CREB5: variants seen among roughly 807,000 people sequenced by gnomAD.
The protein encoded by CREB5 is cAMP responsive element binding protein 5.
CREB5 carries 19 observed loss-of-function variants against 57.1 expected under a neutral mutation model. The ratio of observed to expected loss-of-function variants is 0.33; its 90% confidence interval spans 0.23 to 0.49. The LOEUF is 0.49. Ranked by LOEUF, CREB5 falls within the 20% of genes least tolerant of loss-of-function variation. The pLI, the probability that CREB5 is intolerant of heterozygous loss-of-function variation, is 0.99. For missense variants in CREB5, 579 were observed against 671.6 expected (o/e 0.86, Z 1.52); for synonymous variants, 238 against 238.3 (o/e 1.00, Z 0.01).
chr7:28,477,291 C>G (rs546124595), intron 1 of CREB5, among the ~76,000 whole-genome samples: 12 of 152,326 alleles, frequency 7.9e-5, no homozygotes, highest in Admixed American at 3.3e-4. Flanking sequence ...TTTCTTCAGC[C>G]TTTCAATAGG....
intron 5 of CREB5, among the ~76,000 whole-genome samples, chr7:28,627,045 T>A (rs1208482718): frequency 6.6e-6 from 1 of 152,204 alleles, no homozygotes; most frequent in South Asian, 2.1e-4. Context: ...ATTTCTAATT[T>A]CCTAAAATTT....
intron 5 of CREB5, among the ~76,000 whole-genome samples, chr7:28,587,293 G>A (rs991717489): frequency 6.6e-6 from 1 of 152,150 alleles, no homozygotes; most frequent in Non-Finnish European, 1.5e-5. Flanking sequence ...ATGATTGCTG[G>A]CACCTTTTAT....
rs113040397 is a variant in CREB5 at position 28,673,720 on chromosome 7, G to A, written c.465-45033G>A. Among the ~76,000 whole-genome samples, 489 of 145,526 alleles carry A rather than the reference G, an allele frequency of 3.4e-3. 2 individuals carry two copies. Among genetic ancestry groups the A allele is most frequent in the South Asian group, 0.01 (47 of 4,556 alleles). On this transcript the variant is annotated intron_variant, in intron 5 of 10. Coordinates refer to ENST00000357727, the MANE Select transcript of CREB5 (RefSeq NM_182898.4). ...TCGAGTCTCGCTCTGCCACCCAGGC[G>A]GGAGTGCAGTGGCGTGATCTCAGCT...
intron 5 of CREB5, among the ~76,000 whole-genome samples, chr7:28,583,412 A>G (rs897217870): frequency 3.9e-5 from 6 of 152,212 alleles, no homozygotes; most frequent in African/African-American, 1.4e-4. Flanking sequence ...TAAAACATGA[A>G]ATAACTTCTA....
At chr7:28,562,347 T>A (rs1795307878) in intron 4 of CREB5, among the ~76,000 whole-genome samples, 2 of 152,208 alleles carry the variant, frequency 1.3e-5, no homozygotes, top group Non-Finnish European at 2.9e-5. Context: ...GAGAAGATAT[T>A]TATTGTCTTG....
chr7:28,647,184 C>T (rs904388005), intron 5 of CREB5, among the ~76,000 whole-genome samples: 7 of 151,174 alleles, frequency 4.6e-5, no homozygotes, highest in Non-Finnish European at 7.4e-5. Context: ...GGCCAGTGGC[C>T]AGACACCAGG....
intron 5 of CREB5, among the ~76,000 whole-genome samples, chr7:28,635,441 A>T (rs1056210974): frequency 6.6e-6 from 1 of 152,198 alleles, no homozygotes; most frequent in Admixed American, 6.5e-5. Context: ...TTGGCCACTT[A>T]CTATGCCAGG....
At chr7:28,424,520 G>A (rs1419511246) in intron 1 of CREB5, among the ~76,000 whole-genome samples, 4 of 152,174 alleles carry the variant, frequency 2.6e-5, no homozygotes, top group Non-Finnish European at 5.9e-5. Context: ...GCAAAACACA[G>A]CAAAACAAGC....
intron 1 of CREB5, among the ~76,000 whole-genome samples, chr7:28,393,608 A>G (rs1385940880): frequency 6.6e-6 from 1 of 152,248 alleles, no homozygotes; most frequent in African/African-American, 2.4e-5. Context: ...GAAGCTCAAC[A>G]GCTGTCTAAC....
intron 3 of CREB5, among the ~76,000 whole-genome samples, chr7:28,498,788 T>C (rs1168315760): frequency 6.6e-6 from 1 of 152,192 alleles, no homozygotes; most frequent in African/African-American, 2.4e-5. Flanking sequence ...CGCCTGGGTC[T>C]TCTCATCTTT....
At chr7:28,787,818 T>G (rs1225950987) in intron 7 of CREB5, among the ~76,000 whole-genome samples, 1 of 152,132 alleles carries the variant, frequency 6.6e-6, no homozygotes, top group Non-Finnish European at 1.5e-5. Flanking sequence ...CCTTCCAAAG[T>G]GCTGGGATTA....
At chr7:28,467,969 T>C (rs1239873626) in intron 1 of CREB5, among the ~76,000 whole-genome samples, 5 of 152,200 alleles carry the variant, frequency 3.3e-5, no homozygotes, top group African/African-American at 1.2e-4. Flanking sequence ...TTAAAGCTAC[T>C]GTGAGGAGCA....
At chr7:28,636,082 G>A (rs219021) in intron 5 of CREB5, among the ~76,000 whole-genome samples, 13,014 of 152,250 alleles carry the variant, frequency 0.085, 652 homozygotes, top group Non-Finnish European at 0.11. Flanking sequence ...TTTCCTCTTC[G>A]AGTTCTTTTT....
intron 4 of CREB5, among the ~76,000 whole-genome samples, chr7:28,538,068 G>A (rs1005670510): frequency 2.1e-5 from 3 of 145,322 alleles, no homozygotes; most frequent in African/African-American, 7.5e-5. Context: ...TTTTATTTTT[G>A]TTTGAGACAG....
chr7:28,703,865 C>CA (rs1025413102), intron 5 of CREB5, among the ~76,000 whole-genome samples: 10 of 152,346 alleles, frequency 6.6e-5, no homozygotes, highest in Middle Eastern at 3.4e-3. Flanking sequence ...GATATCTGGG[C>CA]AACCCATGGC....
At chr7:28,545,355 G>A (rs1794372776) in intron 4 of CREB5, among the ~76,000 whole-genome samples, 1 of 152,346 alleles carries the variant, frequency 6.6e-6, no homozygotes, top group East Asian at 1.9e-4. Flanking sequence ...CAGAATGATT[G>A]ATTTGTGTAA....
At chr7:28,518,795 C>T (rs567920695) in intron 4 of CREB5, among the ~76,000 whole-genome samples, 1 of 152,222 alleles carries the variant, frequency 6.6e-6, no homozygotes, top group African/African-American at 2.4e-5. Flanking sequence ...ACACTCCCCC[C>T]ATGTGGATTG....
chr7:28,567,292 C>T (rs1177881210), intron 4 of CREB5, among the ~76,000 whole-genome samples: 1 of 152,204 alleles, frequency 6.6e-6, no homozygotes, highest in African/African-American at 2.4e-5. Context: ...TTTAACAATA[C>T]CTTAATATCT....
At chr7:28,611,489 TAAAAAAA>T (rs59192497) in intron 5 of CREB5, among the ~76,000 whole-genome samples, 4 of 47,982 alleles carry the variant, frequency 8.3e-5, no homozygotes, top group Non-Finnish European at 1.1e-4. Context: ...CCATCTCTAC[TAAAAAAA>T]AAAAAAAAAA....
Sources: gnomAD v4.1 joint callset for allele counts (sites outside exome capture counted in the v4.1 genomes callset) on GRCh38, gnomAD v4.1.1 for gene constraint, MANE v1.5 for transcripts, NCBI Gene and HGNC (gene_info 2026-07-23, HGNC 2026-07-21) for gene names.